The following ZNF398 variants were observed in gnomAD, a reference collection of about 807,000 sequenced individuals.
ZNF398 encodes the protein zinc finger protein 398.
ZNF398 carries 18 observed loss-of-function variants against 41.9 expected under a neutral mutation model. That is an observed-to-expected ratio of 0.43 (90% CI 0.30 to 0.64). ZNF398 has a LOEUF of 0.64. Among genes scored for constraint, ZNF398 ranks in the 30% least tolerant of loss-of-function variants. The pLI is 0.14. For synonymous variants in ZNF398, 260 were observed against 308.8 expected (o/e 0.84, Z 1.66); for missense variants, 669 against 822.8 (o/e 0.81, Z 2.29).
At chr7:149,173,304 G>C (rs956760076) in intron 4 of ZNF398, among the ~76,000 whole-genome samples, 1 of 151,064 alleles carries the variant, frequency 6.6e-6, no homozygotes, top group African/African-American at 2.4e-5. Context: ...ACGGGGTTTC[G>C]CCATGTTGGC....
chr7:149,149,674 C>CA (rs139870006), intron 1 of ZNF398, among the ~76,000 whole-genome samples: 79,553 of 149,644 alleles, frequency 0.53, 23,977 homozygotes, highest in East Asian at 0.9. Flanking sequence ...CCCATCTCTA[C>CA]AAAAAAAATT....
At chr7:149,136,758 C>T (rs188098301) in intron 2 of ZNF398, among the ~76,000 whole-genome samples, 115 of 151,578 alleles carry the variant, frequency 7.6e-4, no homozygotes, top group African/African-American at 2.4e-3. Flanking sequence ...TTAGTAGAGA[C>T]AGGATTTCAC....
chr7:149,163,244 G>A (rs539401478), intron 2 of ZNF398, among the ~76,000 whole-genome samples: 4 of 152,046 alleles, frequency 2.6e-5, no homozygotes, highest in African/African-American at 7.2e-5. Context: ...CACTCCTGTC[G>A]CCCAGGCTGG....
At chr7:149,138,060 G>A (rs563440030) in intron 2 of ZNF398, among the ~76,000 whole-genome samples, 3 of 151,920 alleles carry the variant, frequency 2.0e-5, no homozygotes, top group South Asian at 4.2e-4. Context: ...AATTAGTTGC[G>A]CATGGTGGCG....
In ZNF398 at chr7:149,133,760, T is replaced by TG. The variant is rs1385070912; in HGVS notation, c.-490+4816_-490+4817insG. 7.6e-3 allele frequency among the ~76,000 whole-genome samples: 1,118 copies of TG among 147,216 alleles called. 12 individuals carry two copies. Among genetic ancestry groups the TG allele is most frequent in the Non-Finnish European group, 0.012 (826 of 66,878 alleles). ...TTTTTGTGACCTTCAGATTTTTTTT[T>TG]TTTGTTTTTTTGAGACGGAGTTTTG... On this transcript the variant is annotated intron_variant, in intron 2 of 6. Transcript: ENST00000426851.
intron 1 of ZNF398, among the ~76,000 whole-genome samples, chr7:149,149,605 C>A (rs1443941295): frequency 6.6e-6 from 1 of 152,086 alleles, no homozygotes; most frequent in Admixed American, 6.6e-5. Flanking sequence ...CAGGAGGCTG[C>A]CGTGGGAAGA....
At chr7:149,150,130 TTAG>T (rs2129520159) in intron 1 of ZNF398, among the ~76,000 whole-genome samples, 2 of 152,296 alleles carry the variant, frequency 1.3e-5, no homozygotes, top group South Asian at 4.1e-4. Context: ...AGAAGAAAAC[TTAG>T]ATTCGGTTAC....
chr7:149,131,458 C>T (rs1399138900), intron 2 of ZNF398, among the ~76,000 whole-genome samples: 1 of 152,170 alleles, frequency 6.6e-6, no homozygotes, highest in East Asian at 1.9e-4. Context: ...GAGGCAGAGG[C>T]TGATGGATCA....
chr7:149,151,196 A>T (rs1272286194), intron 1 of ZNF398: 1 of 1,181,506 alleles, frequency 8.5e-7, no homozygotes, highest in East Asian at 6.5e-5. Flanking sequence ...TTACCTGGTG[A>T]TTTCCTCTAG....
chr7:149,130,164 C>T (rs374888956), intron 2 of ZNF398, among the ~76,000 whole-genome samples: 10 of 152,182 alleles, frequency 6.6e-5, no homozygotes, highest in African/African-American at 1.9e-4. Context: ...GGCATGATCT[C>T]GGCTCACTGC....
chr7:149,143,169 C>T (rs188623217), upstream of ZNF398, among the ~76,000 whole-genome samples: 142 of 139,744 alleles, frequency 1.0e-3, 1 homozygote, highest in African/African-American at 3.3e-3. Flanking sequence ...AAATTACTGG[C>T]GGCAAGCAGG....
At chr7:149,151,209 A>T in intron 1 of ZNF398, 1 of 1,201,996 alleles carries the variant, frequency 8.3e-7, no homozygotes, top group African/African-American at 1.6e-5. Flanking sequence ...TCCTCTAGGC[A>T]CGCTTACTAA....
chr7:149,139,972 T>A (rs1348005323), intron 2 of ZNF398, among the ~76,000 whole-genome samples: 1 of 151,864 alleles, frequency 6.6e-6, no homozygotes, highest in Non-Finnish European at 1.5e-5. Context: ...CACTCCAGCC[T>A]GGGCAACAGA....
chr7:149,171,075 G>A (rs1434776878), intron 4 of ZNF398, among the ~76,000 whole-genome samples: 1 of 147,974 alleles, frequency 6.8e-6, no homozygotes, highest in Non-Finnish European at 1.5e-5. Flanking sequence ...GTCTCGATCT[G>A]CTGACCTCAT....
intron 2 of ZNF398, among the ~76,000 whole-genome samples, chr7:149,134,087 G>A (rs35740097): frequency 0.075 from 10,764 of 143,434 alleles, 422 homozygotes; most frequent in Middle Eastern, 0.095. Context: ...TTTTTGAGAC[G>A]GAGTTTCGCT....
intron 2 of ZNF398, among the ~76,000 whole-genome samples, chr7:149,135,967 A>G (rs1826704241): frequency 6.6e-6 from 1 of 151,970 alleles, no homozygotes; most frequent in Non-Finnish European, 1.5e-5. Flanking sequence ...ACTAATAACA[A>G]TAATAATAAT....
chr7:149,148,582 G>A, intron 1 of ZNF398: 2 of 710,314 alleles, frequency 2.8e-6, no homozygotes, highest in Non-Finnish European at 1.7e-6. Context: ...ATGGGTAGGG[G>A]GTAGAGCAGA....
intron 1 of ZNF398, among the ~76,000 whole-genome samples, chr7:149,127,348 C>T (rs1359258299): frequency 1.2e-4 from 18 of 151,310 alleles, no homozygotes; most frequent in Non-Finnish European, 2.2e-4. Context: ...GTATTTGTCC[C>T]GGAATCGTGA....
In ZNF398 at chr7:149,147,717, A is replaced by T; in HGVS notation, c.-26A>T. 7.7e-7 allele frequency: 1 copy of T among 1,295,006 alleles called. No individual in the cohort carries two copies. The highest frequency in any genetic ancestry group is 9.8e-7 in the Non-Finnish European group (1 of 1,023,860). 80.2% of individuals were successfully genotyped at this position (1,295,006 alleles called of 1,614,324 possible). On this transcript the variant is annotated 5_prime_UTR_variant, in exon 1 of 6. Transcript: ENST00000475153. This position sits in a 1 kb window ranked among gnomAD's most constrained non-coding sequence, Gnocchi z 5.6. ...GCGGCGGCAGCGGCGGCGACTTCCG[A>T]GGCCCGGGCTAGACAGCGCAGGGCC...
Sources: gnomAD v4.1 joint callset for allele counts (sites outside exome capture counted in the v4.1 genomes callset) on GRCh38, gnomAD v4.1.1 for gene constraint, Gnocchi (gnomAD v3.1) non-coding constraint, MANE v1.5 for transcripts, NCBI Gene and HGNC (gene_info 2026-07-23, HGNC 2026-07-21) for gene names.